OPRM1: variants seen among roughly 807,000 people sequenced by gnomAD.
OPRM1 encodes opioid receptor mu 1.
OPRM1 carries 27 observed loss-of-function variants against 31.8 expected under a neutral mutation model. That is an observed-to-expected ratio of 0.85 (90% CI 0.63 to 1.17). The LOEUF (loss-of-function observed/expected upper bound fraction) is 1.17. Among genes scored for constraint, OPRM1 ranks in the 50% most tolerant of loss-of-function variants. The pLI, the probability that OPRM1 is intolerant of heterozygous loss-of-function variation, is 0.00. For missense variants in OPRM1, 536 were observed against 511.1 expected, an observed-to-expected ratio of 1.05 and a Z score of -0.47; for synonymous variants, 196 against 189.9, an observed-to-expected ratio of 1.03 and a Z score of -0.26.
intron 3 of OPRM1, chr6:154,159,743 C>T (rs1798858394): frequency 4.7e-6 from 5 of 1,068,682 alleles, no homozygotes; most frequent in Middle Eastern, 2.4e-4. Flanking sequence ...TTTCAGTTTT[C>T]CTTTTAAGGA....
rs1583460886 is a variant in OPRM1, at chr6:154,087,538, C to T, written c.291-2288C>T. ...CCTCCGGATTAGGTCCATTTTCAGA[C>T]AAGCTCCTCCAGCAACTACATACCA... On this transcript the variant is annotated intron_variant, in intron 1 of 3. Coordinates refer to ENST00000330432, the MANE Select transcript of OPRM1 (RefSeq NM_000914.5). 2.0e-6 allele frequency: 2 copies of T among 985,476 alleles called. No individual in the cohort carries two copies. Among genetic ancestry groups the T allele is most frequent in the South Asian group, 4.7e-5 (1 of 21,288 alleles). 61.0% of individuals were successfully genotyped at this position (985,476 alleles called of 1,614,324 possible).
intron 3 of OPRM1, among the ~76,000 whole-genome samples, chr6:154,098,886 A>T (rs986001070): frequency 6.6e-6 from 1 of 152,166 alleles, no homozygotes; most frequent in Non-Finnish European, 1.5e-5. Flanking sequence ...CCAAAGCCAC[A>T]ATTTCATCAG....
rs1186177066 is a variant in OPRM1, at chr6:154,120,993, A to G, written c.*2272A>G. ...GGTCATTGTCAACGTTTTTCATTCAAAACCATTTTTTAACGTAAATTTGCT... is the reference window on the plus strand; with the variant it reads ...GGTCATTGTCAACGTTTTTCATTCAGAACCATTTTTTAACGTAAATTTGCT... On this transcript the variant is annotated 3_prime_UTR_variant, in exon 4 of 4. Coordinates refer to ENST00000330432, the MANE Select transcript of OPRM1 (RefSeq NM_000914.5). 1.3e-5 allele frequency among the ~76,000 whole-genome samples: 2 copies of G among 152,224 alleles called. No individual in the cohort carries two copies. The highest frequency in any genetic ancestry group is 1.5e-5 in the Non-Finnish European group (1 of 68,030).
At chr6:154,013,088 T>A (rs1299531303) in intron 1 of OPRM1, among the ~76,000 whole-genome samples, 1 of 152,190 alleles carries the variant, frequency 6.6e-6, no homozygotes, top group Non-Finnish European at 1.5e-5. Context: ...ATTTATTGCA[T>A]CATATCCTTG....
chr6:154,099,437 G>A (rs1794066202), intron 3 of OPRM1, among the ~76,000 whole-genome samples: 1 of 126,066 alleles, frequency 7.9e-6, no homozygotes, highest in Admixed American at 8.6e-5. Flanking sequence ...AAAGAGGGAG[G>A]GAGGAAGAAA....
At chr6:154,182,166 G>T (rs1321132212) in intron 3 of OPRM1, among the ~76,000 whole-genome samples, 1 of 152,174 alleles carries the variant, frequency 6.6e-6, no homozygotes, top group Non-Finnish European at 1.5e-5. Flanking sequence ...TTTTACTTGT[G>T]CTCTCATGAA....
chr6:154,142,854 C>G (rs529531319), intron 3 of OPRM1, among the ~76,000 whole-genome samples: 2 of 152,282 alleles, frequency 1.3e-5, no homozygotes, highest in East Asian at 3.9e-4. Context: ...GCCTTTTAGC[C>G]TTGCAGTCCA....
At chr6:154,151,943 G>A (rs1272429505) in intron 3 of OPRM1, among the ~76,000 whole-genome samples, 1 of 152,108 alleles carries the variant, frequency 6.6e-6, no homozygotes, top group Non-Finnish European at 1.5e-5. Flanking sequence ...GGGAGGCTGA[G>A]GTGGGTGGAT....
At chr6:154,202,149 T>A (rs536028236) in intron 3 of OPRM1, among the ~76,000 whole-genome samples, 8 of 152,326 alleles carry the variant, frequency 5.3e-5, no homozygotes, top group African/African-American at 1.9e-4. Flanking sequence ...GATTGTCAGA[T>A]AATCAATAAA....
rs1169967846 is a variant in OPRM1 at position 154,168,666 on chromosome 6, CA to C, written c.1164+77195del. 2.6e-5 allele frequency among the ~76,000 whole-genome samples: 4 copies of C among 151,968 alleles called. No homozygotes were observed. In the South Asian group the frequency reaches 6.2e-4, roughly 24 times the overall value. On this transcript the variant is annotated intron_variant, in intron 3 of 3. Coordinates refer to the OPRM1 transcript ENST00000337049. This position sits in a 1 kb window ranked among gnomAD's most constrained non-coding sequence, Gnocchi z 4.1. ...TGTTGCCCAGGCTAAAGTGAAATGG[CA>C]CAATCTTGGCTCACTGAAACCTACA...
At chr6:154,222,927 A>C in intron 3 of OPRM1, 1 of 539,634 alleles carries the variant, frequency 1.9e-6, no homozygotes, top group Non-Finnish European at 3.3e-6. Flanking sequence ...ACAGTCATCA[A>C]CAACAGTCCA....
At chr6:154,142,487 C>T (rs568746090) in intron 3 of OPRM1, among the ~76,000 whole-genome samples, 192 of 152,176 alleles carry the variant, frequency 1.3e-3, no homozygotes, top group African/African-American at 4.4e-3. Context: ...GTACTCTTGT[C>T]GCCCTGGGAT....
intron 1 of OPRM1, among the ~76,000 whole-genome samples, chr6:154,070,894 A>C (rs1017932864): frequency 6.6e-6 from 1 of 152,202 alleles, no homozygotes; most frequent in African/African-American, 2.4e-5. Context: ...AGTTGGTATG[A>C]CTCAGGAATC....
chr6:154,212,207 T>C (rs899667362), intron 3 of OPRM1, among the ~76,000 whole-genome samples: 1 of 152,218 alleles, frequency 6.6e-6, no homozygotes, highest in Non-Finnish European at 1.5e-5. Context: ...CTCCATAGAC[T>C]TCACATTAAT....
intron 1 of OPRM1, among the ~76,000 whole-genome samples, chr6:154,024,648 G>GT (rs60673575): frequency 0.012 from 1,607 of 138,118 alleles, 19 homozygotes; most frequent in South Asian, 0.037. Context: ...CTTATTTGAA[G>GT]TTTTTTTTTT....
intron 1 of OPRM1, chr6:154,087,187 G>C (rs1790795647): frequency 1.0e-6 from 1 of 985,304 alleles, no homozygotes; most frequent in African/African-American, 1.7e-5. Flanking sequence ...TGCAGCTTCT[G>C]CAAGTATTGC....
At chr6:154,227,105 G>GAGGCTT (rs1341666149) in intron 3 of OPRM1, among the ~76,000 whole-genome samples, 17 of 152,276 alleles carry the variant, frequency 1.1e-4, no homozygotes, top group African/African-American at 3.9e-4. Context: ...GGCTGAGGCT[G>GAGGCTT]AGGCAGGAGA....
intron 3 of OPRM1, among the ~76,000 whole-genome samples, chr6:154,191,801 C>T (rs1325677709): frequency 1.3e-5 from 2 of 152,012 alleles, no homozygotes; most frequent in African/African-American, 4.8e-5. Context: ...CATACTAATG[C>T]AAGGTGTTAA....
At chr6:154,244,153 T>C (rs1181402491) in intron 3 of OPRM1, among the ~76,000 whole-genome samples, 3 of 152,204 alleles carry the variant, frequency 2.0e-5, no homozygotes, top group Non-Finnish European at 4.4e-5. Context: ...AAATAAAGCT[T>C]CTTGGCTTGA....
Sources: gnomAD v4.1 joint callset for allele counts (sites outside exome capture counted in the v4.1 genomes callset) on GRCh38, gnomAD v4.1.1 for gene constraint, Gnocchi (gnomAD v3.1) non-coding constraint, MANE v1.5 for transcripts, NCBI Gene and HGNC (gene_info 2026-07-23, HGNC 2026-07-21) for gene names.